The following GARS1 variants were observed in gnomAD, a reference collection of about 807,000 sequenced individuals.
GARS1 encodes glycyl-tRNA synthetase 1.
GARS1 carries 46 observed loss-of-function variants against 86.4 expected under a neutral mutation model. The observed-to-expected ratio is 0.53, with a 90% confidence interval of 0.42 to 0.68. The LOEUF (loss-of-function observed/expected upper bound fraction) is 0.68. Among genes scored for constraint, GARS1 ranks in the 30% least tolerant of loss-of-function variants. The probability of loss-of-function intolerance (pLI) is 0.00; values close to 1 mark genes in which losing one functional copy is unlikely to be tolerated. For synonymous variants in GARS1, 342 were observed against 329.8 expected (o/e 1.04, Z -0.40); for missense variants, 797 against 915.6 (o/e 0.87, Z 1.67).
intron 12 of GARS1, among the ~76,000 whole-genome samples, chr7:30,622,883 G>A (rs1366151020): frequency 9.9e-5 from 15 of 151,962 alleles, no homozygotes; most frequent in Admixed American, 9.2e-4. Context: ...GGCAGATCAC[G>A]AGGTCAGGAG....
At chr7:30,604,057 T>C (rs1274178926) in intron 6 of GARS1, among the ~76,000 whole-genome samples, 1 of 152,166 alleles carries the variant, frequency 6.6e-6, no homozygotes, top group African/African-American at 2.4e-5. Context: ...AGTTTTATAA[T>C]TTGTATAATA....
Position 30,614,871 on chromosome 7 carries a change from CA to C in GARS1, c.1032-1006del, listed in dbSNP as rs60532382. Among the ~76,000 whole-genome samples the C allele has an allele frequency of 8.7e-3, 707 of 81,542 alleles. 6 individuals carry two copies. Among genetic ancestry groups the C allele is most frequent in the Middle Eastern group, 0.062 (10 of 162 alleles). 53.5% of individuals were successfully genotyped at this position (81,542 alleles called of 152,430 possible). On this transcript the variant is annotated intron_variant, in intron 8 of 16. Coordinates refer to ENST00000389266, the MANE Select transcript of GARS1 (RefSeq NM_002047.4). ...AGCCTGGGCGAGCGAGACTCCGTCTCAAAAAAAAAAAAAAAAAAATTAAACC... is the reference window on the plus strand; with the variant it reads ...AGCCTGGGCGAGCGAGACTCCGTCTCAAAAAAAAAAAAAAAAAATTAAACC...
intron 2 of GARS1, among the ~76,000 whole-genome samples, chr7:30,599,568 A>G (rs1490415383): frequency 1.3e-5 from 2 of 152,054 alleles, no homozygotes; most frequent in East Asian, 3.9e-4. Flanking sequence ...AAGCCCAGCT[A>G]ATTTTTGTAT....
chr7:30,627,263 G>A (rs1276439664), intron 13 of GARS1: 4 of 252,860 alleles, frequency 1.6e-5, no homozygotes, highest in South Asian at 3.8e-5. Context: ...AGGAGTAAGC[G>A]GGGGCTTCTC....
chr7:30,632,886 C>T lies in GARS1; in HGVS notation c.2094+449C>T, dbSNP rs561606367. 3.3e-5 allele frequency among the ~76,000 whole-genome samples: 5 copies of T among 152,044 alleles called. No homozygotes were observed. The South Asian group carries it at 1.0e-3, about 32-fold the overall frequency. On this transcript the variant is annotated intron_variant, in intron 16 of 16. Coordinates refer to ENST00000389266, the MANE Select transcript of GARS1 (RefSeq NM_002047.4). This position sits in a 1 kb window ranked among gnomAD's most constrained non-coding sequence, Gnocchi z 4.1. ...TCAGTAGTTTTGGTCAATAGGAAGG[C>T]AGTAATGGAGATGGTAGAAGCACAG...
rs1030684950 is a variant in GARS1 at position 30,632,598 on chromosome 7, C to T, written c.2094+161C>T. Among the ~76,000 whole-genome samples the T allele has an allele frequency of 1.3e-4, 20 of 152,130 alleles. No homozygotes were observed. Among genetic ancestry groups the T allele is most frequent in the East Asian group, 9.7e-4 (5 of 5,178 alleles). On this transcript the variant is annotated intron_variant, in intron 16 of 16. Transcript: ENST00000389266. This position sits in a 1 kb window ranked among gnomAD's most constrained non-coding sequence, Gnocchi z 4.1. ...ACAGAGCCCAGATTCTCAAGTCCCC[C>T]GGTTTAATTATGAAAATATCCATTA...
chr7:30,631,469 G>C lies in GARS1; in HGVS notation c.1831G>C (p.Val611Leu). The change falls in exon 15 of 17, where the codon GTT (valine) becomes CTT (leucine). Residue 611 changes from valine (V) to leucine (L), a missense_variant. Val to Leu is a conservative substitution (Grantham distance 32). This residue lies in a region of GARS1 where 598 missense variants were observed against 738.7 expected (regional missense o/e 0.81). Transcript: ENST00000389266. ...CCAGTTCTTCAGTTTCCCTGCTGTA[G>C]TTGCTCCATTCAAATGTTCCGTCCT... ...QRTFFSFPAV[V>L]APFKCSVLPL... 1 of 1,613,472 alleles carries C rather than the reference G, an allele frequency of 6.2e-7. No homozygotes were observed.
chr7:30,608,857 C>G (rs1221029085), intron 6 of GARS1, among the ~76,000 whole-genome samples: 1 of 152,012 alleles, frequency 6.6e-6, no homozygotes, highest in Non-Finnish European at 1.5e-5. Context: ...CAAGGTCTTT[C>G]TGAACTCGAA....
At chr7:30,616,127 T>C in intron 9 of GARS1, 69 bp downstream of exon 9, 1 of 1,524,148 alleles carries the variant, frequency 6.6e-7, no homozygotes. Flanking sequence ...GCAAATTCTA[T>C]GTGTTCTGGG....
At chr7:30,600,955 G>A in intron 3 of GARS1, 104 bp from the exon 4 acceptor site, 1 of 1,056,984 alleles carries the variant, frequency 9.5e-7, no homozygotes, top group Non-Finnish European at 1.5e-6. Context: ...TTGTTGACTT[G>A]AATACACTTT....
intron 10 of GARS1, among the ~76,000 whole-genome samples, chr7:30,620,821 T>C (rs1782988799): frequency 6.6e-6 from 1 of 152,208 alleles, no homozygotes; most frequent in Non-Finnish European, 1.5e-5. Context: ...TGATATCAAG[T>C]TGTGAGAACA....
chr7:30,611,578 A>C (rs1791598778), intron 7 of GARS1, among the ~76,000 whole-genome samples: 2 of 152,058 alleles, frequency 1.3e-5, no homozygotes, highest in African/African-American at 4.8e-5. Context: ...TCTGCCTCCC[A>C]GGTTCAAGCG....
Position 30,622,377 on chromosome 7 carries a change from A to T in GARS1, c.1528A>T (p.Lys510Ter), listed in dbSNP as rs1584044584. Residue 510 changes from lysine (K) to a stop codon, truncating the protein, a stop_gained, in exon 12 of 17, where the codon AAG (lysine) becomes TAG (stop). Coordinates refer to ENST00000389266, the MANE Select transcript of GARS1 (RefSeq NM_002047.4). LOFTEE classifies it high-confidence loss of function. ...SKGAIGKAYK[K>*]DAKLVMEYLA... ...GGGAGCAATTGGTAAGGCATATAAG[A>T]AGGATGCAAAACTGGTGATGGAGTA... 6.2e-7 allele frequency: 1 copy of T among 1,614,018 alleles called. No individual in the cohort carries two copies. The highest frequency in any genetic ancestry group is 8.5e-7 in the Non-Finnish European group (1 of 1,179,988).
At chr7:30,599,876 A>G (rs1454532222) in intron 2 of GARS1, 71 bp from the exon 3 acceptor site, 3 of 977,536 alleles carry the variant, frequency 3.1e-6, no homozygotes, top group African/African-American at 1.6e-5. Context: ...GGAATAAACT[A>G]AATTCAGATA....
chr7:30,623,592 G>C (rs979016646), intron 12 of GARS1, among the ~76,000 whole-genome samples: 2 of 152,170 alleles, frequency 1.3e-5, no homozygotes, highest in Non-Finnish European at 2.9e-5. Flanking sequence ...AAGATGTCCA[G>C]TGGGACAATA....
Position 30,633,974 on chromosome 7 carries a change from TA to T in GARS1, c.*115del. The stretch of plus-strand genomic sequence containing the variant: ...GTGATTACTCCCAGGGACCGTATTT[TA>T]TCTTCAGTGGCTGCCTGATTTTACC... On this transcript the variant is annotated 3_prime_UTR_variant, in exon 17 of 17. Transcript: ENST00000389266. The T allele has an allele frequency of 7.7e-7, 1 of 1,290,622 alleles. No homozygotes were observed. Among genetic ancestry groups the T allele is most frequent in the Non-Finnish European group, 1.1e-6 (1 of 932,582 alleles). 79.9% of individuals were successfully genotyped at this position (1,290,622 alleles called of 1,614,324 possible).
At chr7:30,626,044 G>A (rs1783121332) in intron 12 of GARS1, among the ~76,000 whole-genome samples, 190 bp from the exon 13 acceptor site, 1 of 152,176 alleles carries the variant, frequency 6.6e-6, no homozygotes, top group Non-Finnish European at 1.5e-5. Flanking sequence ...ACTTTTTGGT[G>A]CCATTGTTAG....
chr7:30,617,026 G>A, intron 9 of GARS1, 88 bp from the exon 10 acceptor site: 1 of 1,299,414 alleles, frequency 7.7e-7, no homozygotes, highest in Non-Finnish European at 1.1e-6. Context: ...TCAGTAGAGT[G>A]AGTCAATGGA....
chr7:30,603,167 G>T (rs1791414749), intron 5 of GARS1, 45 bp downstream of exon 5: 7 of 1,498,016 alleles, frequency 4.7e-6, no homozygotes, highest in South Asian at 1.1e-5. Flanking sequence ...CAAAATAAAA[G>T]GTTTAAACTT....
Sources: allele counts gnomAD v4.1 joint callset (sites outside exome capture counted in the v4.1 genomes callset), GRCh38; gene constraint gnomAD v4.1.1; regional missense constraint gnomAD v4.1.1; non-coding constraint Gnocchi (gnomAD v3.1); transcripts MANE v1.5; gene names NCBI Gene and HGNC (gene_info 2026-07-23, HGNC 2026-07-21).